TASP1: variants seen among roughly 807,000 people sequenced by gnomAD.
The protein encoded by TASP1 is taspase 1.
TASP1 carries 16 observed loss-of-function variants against 56.6 expected under a neutral mutation model. The observed-to-expected ratio is 0.28, with a 90% confidence interval of 0.19 to 0.43. TASP1 has a LOEUF of 0.43. TASP1 is among the 20% of genes least tolerant of loss of function. TASP1 has a pLI of 1.00. For missense variants in TASP1, 393 were observed against 511.6 expected, an observed-to-expected ratio of 0.77 and a Z score of 2.24; for synonymous variants, 179 against 184.2, an observed-to-expected ratio of 0.97 and a Z score of 0.23.
the TASP1 span, among the ~76,000 whole-genome samples, chr20:13,284,814 T>C: frequency 0.071 from 10,746 of 152,098 alleles, 532 homozygotes; most frequent in East Asian, 0.23. Context: ...GGGGGACCCA[T>C]ATGAAAAAAA....
intron 8 of TASP1, among the ~76,000 whole-genome samples, chr20:13,556,428 T>G (rs888720872): frequency 2.0e-5 from 3 of 152,198 alleles, no homozygotes; most frequent in African/African-American, 7.2e-5. Flanking sequence ...TGGAGAACTT[T>G]GCAAAATGTG....
At chr20:13,304,696 A>G in the TASP1 span, among the ~76,000 whole-genome samples, 664 of 152,260 alleles carry the variant, frequency 4.4e-3, 3 homozygotes, top group African/African-American at 0.013. Context: ...CAGTAAACCC[A>G]TAAGACTCCA....
chr20:13,475,935 C>T (rs949908927), intron 11 of TASP1, among the ~76,000 whole-genome samples: 13 of 147,844 alleles, frequency 8.8e-5, no homozygotes, highest in Admixed American at 2.0e-4. Context: ...TTGACTAACA[C>T]GGTGAAACCC....
chr20:13,372,963 C>A, the TASP1 span, among the ~76,000 whole-genome samples: 2 of 151,996 alleles, frequency 1.3e-5, no homozygotes, highest in African/African-American at 4.8e-5. Context: ...CATATTACAT[C>A]TATAGATGCC....
chr20:13,605,201 AG>A (rs1178619537), intron 4 of TASP1, among the ~76,000 whole-genome samples: 2 of 151,984 alleles, frequency 1.3e-5, no homozygotes, highest in Non-Finnish European at 2.9e-5. Context: ...CACTGTGGAT[AG>A]GTATGAGGGA....
At chr20:13,312,498 T>A in the TASP1 span, among the ~76,000 whole-genome samples, 3 of 152,166 alleles carry the variant, frequency 2.0e-5, no homozygotes, top group African/African-American at 7.2e-5. Context: ...CAGTCTGAGA[T>A]AAACAGAGCA....
chr20:13,386,932 G>T (rs1027201876), downstream of TASP1, among the ~76,000 whole-genome samples: 4 of 152,096 alleles, frequency 2.6e-5, no homozygotes, highest in South Asian at 8.3e-4. Context: ...GTAGAATGTT[G>T]TGGGGGTTTG....
At chr20:13,420,707 G>T (rs942312232) in intron 12 of TASP1, among the ~76,000 whole-genome samples, 1 of 152,222 alleles carries the variant, frequency 6.6e-6, no homozygotes, top group African/African-American at 2.4e-5. Context: ...AATCTAAGAT[G>T]TGCCAGGCAT....
the TASP1 span, among the ~76,000 whole-genome samples, chr20:13,371,691 G>A: frequency 6.6e-6 from 1 of 152,038 alleles, no homozygotes. Context: ...TTCAAGTCTT[G>A]TATTTCCTTG....
the TASP1 span, among the ~76,000 whole-genome samples, chr20:13,192,947 G>C: frequency 2.6e-5 from 4 of 152,038 alleles, no homozygotes; most frequent in Non-Finnish European, 5.9e-5. Context: ...AATGTCACAA[G>C]GTACAGGAGA....
intron 2 of TASP1, among the ~76,000 whole-genome samples, chr20:13,626,741 C>A (rs2048906025): frequency 6.6e-6 from 1 of 152,162 alleles, no homozygotes; most frequent in African/African-American, 2.4e-5. Flanking sequence ...AACAGGTGAT[C>A]TCAAGTTGGC....
chr20:13,550,818 G>T (rs565261447), intron 8 of TASP1, among the ~76,000 whole-genome samples: 1 of 152,138 alleles, frequency 6.6e-6, no homozygotes, highest in East Asian at 1.9e-4. Context: ...TTTTTCCAGT[G>T]TCAGGGTCTC....
the TASP1 span, among the ~76,000 whole-genome samples, chr20:13,188,585 T>C: frequency 2.0e-5 from 3 of 152,172 alleles, no homozygotes; most frequent in African/African-American, 7.2e-5. Flanking sequence ...GAAAGATTAT[T>C]GTTGTTAAAA....
chr20:13,334,408 C>T, the TASP1 span, among the ~76,000 whole-genome samples: 1 of 152,162 alleles, frequency 6.6e-6, no homozygotes, highest in African/African-American at 2.4e-5. Flanking sequence ...AACTGTTGTA[C>T]TATTTAATGT....
At chr20:13,528,219 CAAAAAAAAAAAAAAAA>C (rs397942980) in intron 10 of TASP1, among the ~76,000 whole-genome samples, 198 bp downstream of exon 10, 52 of 54,344 alleles carry the variant, frequency 9.6e-4, no homozygotes, top group Non-Finnish European at 1.4e-3. Context: ...GACTCTGACT[CAAAAAAAAAAAAAAAA>C]AAAAAAAAAG....
chr20:13,364,769 T>A, the TASP1 span, among the ~76,000 whole-genome samples: 1 of 152,200 alleles, frequency 6.6e-6, no homozygotes, highest in African/African-American at 2.4e-5. Context: ...TTGCTGTACC[T>A]ACTGCATTTC....
At chr20:13,217,985 C>T in the TASP1 span, among the ~76,000 whole-genome samples, 5 of 152,112 alleles carry the variant, frequency 3.3e-5, no homozygotes, top group Non-Finnish European at 7.3e-5. Flanking sequence ...CACGTTGGCT[C>T]ATGCCTGTAA....
the TASP1 span, among the ~76,000 whole-genome samples, chr20:13,325,001 A>G: frequency 3.9e-5 from 6 of 152,218 alleles, no homozygotes; most frequent in Non-Finnish European, 8.8e-5. Flanking sequence ...TTATCCTGTT[A>G]GTGCAGCTAT....
intron 10 of TASP1, 31 bp from the exon 11 acceptor site, chr20:13,483,368 A>C: frequency 2.0e-6 from 3 of 1,487,816 alleles, no homozygotes; most frequent in Non-Finnish European, 2.7e-6. Flanking sequence ...ACAGTTGAGG[A>C]AAAGCAGCAC....
Sources: gnomAD v4.1 joint callset for allele counts (sites outside exome capture counted in the v4.1 genomes callset) on GRCh38, gnomAD v4.1.1 for gene constraint, MANE v1.5 for transcripts, NCBI Gene and HGNC (gene_info 2026-07-23, HGNC 2026-07-21) for gene names.